The following MARCHF8 variants were observed in gnomAD, a reference collection of about 807,000 sequenced individuals.
MARCHF8 encodes the protein E3 ubiquitin-protein ligase MARCHF8.
MARCHF8 carries 40 observed loss-of-function variants against 51.6 expected under a neutral mutation model. That is an observed-to-expected ratio of 0.77 (90% CI 0.60 to 1.01). The LOEUF is 1.01. Ranked by LOEUF, MARCHF8 falls within the 50% of genes least tolerant of loss-of-function variation. The pLI is 0.00. For missense variants in MARCHF8, 685 were observed against 708.6 expected (o/e 0.97, Z 0.38); for synonymous variants, 263 against 280.3 (o/e 0.94, Z 0.62).
intron 2 of MARCHF8, among the ~76,000 whole-genome samples, chr10:45,514,535 G>A (rs2043587999): frequency 6.6e-6 from 1 of 152,214 alleles, no homozygotes; most frequent in Non-Finnish European, 1.5e-5. Flanking sequence ...TACCACTCCT[G>A]CCATCAAACT....
At chr10:45,549,622 T>A (rs976559255) in intron 1 of MARCHF8, among the ~76,000 whole-genome samples, 5 of 152,206 alleles carry the variant, frequency 3.3e-5, no homozygotes, top group Non-Finnish European at 7.3e-5. Flanking sequence ...CCCAAGTTCA[T>A]GTATTGGAAA....
At chr10:45,521,263 C>T (rs2043700700) in intron 2 of MARCHF8, among the ~76,000 whole-genome samples, 1 of 152,154 alleles carries the variant, frequency 6.6e-6, no homozygotes, top group East Asian at 1.9e-4. Flanking sequence ...AGATAAACTG[C>T]CTAGGCAGGT....
At chr10:45,542,711 C>T (rs914555946) in intron 1 of MARCHF8, among the ~76,000 whole-genome samples, 1 of 152,070 alleles carries the variant, frequency 6.6e-6, no homozygotes, top group Non-Finnish European at 1.5e-5. Flanking sequence ...ACACGTATTA[C>T]TTTTATTTTT....
intron 1 of MARCHF8, among the ~76,000 whole-genome samples, chr10:45,533,692 G>A (rs2133281269): frequency 6.6e-6 from 1 of 152,226 alleles, no homozygotes; most frequent in East Asian, 1.9e-4. Flanking sequence ...TCCACATAAT[G>A]GTGAGATCAG....
chr10:45,546,291 G>A (rs1366774022), intron 1 of MARCHF8, among the ~76,000 whole-genome samples: 1 of 151,912 alleles, frequency 6.6e-6, no homozygotes, highest in African/African-American at 2.4e-5. Context: ...CTCCCGAGTA[G>A]CTGGGATTAC....
intron 3 of MARCHF8, among the ~76,000 whole-genome samples, chr10:45,476,647 C>A (rs1358611326): frequency 5.3e-5 from 8 of 150,302 alleles, no homozygotes; most frequent in African/African-American, 1.7e-4. Flanking sequence ...AAACATTTTC[C>A]AAAAATACAT....
intron 1 of MARCHF8, among the ~76,000 whole-genome samples, chr10:45,559,980 C>T (rs1302161234): frequency 6.6e-6 from 1 of 152,138 alleles, no homozygotes; most frequent in African/African-American, 2.4e-5. Context: ...CAGAATCCTT[C>T]CTCCCCGCAA....
intron 2 of MARCHF8, among the ~76,000 whole-genome samples, chr10:45,512,774 G>C (rs2043550878): frequency 6.6e-6 from 1 of 152,170 alleles, no homozygotes; most frequent in African/African-American, 2.4e-5. Flanking sequence ...CGGTTTTGTG[G>C]AATAGAAAGG....
At chr10:45,575,053 C>T (rs1465668795) in intron 1 of MARCHF8, among the ~76,000 whole-genome samples, 2 of 152,016 alleles carry the variant, frequency 1.3e-5, no homozygotes, top group East Asian at 3.9e-4. Flanking sequence ...AGCCGCTTTA[C>T]TTCTGAAGGA....
At chr10:45,516,797 T>A (rs11239545) in intron 2 of MARCHF8, among the ~76,000 whole-genome samples, 35,549 of 151,506 alleles carry the variant, frequency 0.23, 4,402 homozygotes, top group Admixed American at 0.3. Context: ...CTAAGAGTGC[T>A]CAAAAAAATC....
chr10:45,490,054 C>T (rs1298387185), intron 2 of MARCHF8, among the ~76,000 whole-genome samples: 1 of 152,208 alleles, frequency 6.6e-6, no homozygotes, highest in Admixed American at 6.5e-5. Flanking sequence ...CTCTCAATCA[C>T]AACTCATTTT....
intron 6 of MARCHF8, among the ~76,000 whole-genome samples, chr10:45,459,499 C>T (rs374532644): frequency 6.6e-6 from 1 of 152,220 alleles, no homozygotes; most frequent in East Asian, 1.9e-4. Context: ...TGCAGAACTA[C>T]CATCAAAAAT....
intron 2 of MARCHF8, among the ~76,000 whole-genome samples, chr10:45,524,352 C>T (rs985993440): frequency 6.6e-6 from 1 of 152,140 alleles, no homozygotes; most frequent in Non-Finnish European, 1.5e-5. Flanking sequence ...TTTCAGAGAT[C>T]GCTGTGATTA....
chr10:45,526,484 G>T (rs565495796), intron 2 of MARCHF8, among the ~76,000 whole-genome samples: 2 of 152,234 alleles, frequency 1.3e-5, no homozygotes, highest in East Asian at 3.9e-4. Flanking sequence ...AACTCACATG[G>T]GAGTACACAG....
chr10:45,464,298 C>A lies in MARCHF8; in HGVS notation c.183G>T (p.Pro61=), dbSNP rs373466552. ...TGCGAGAGAAGGAGGACACCGGAGCCGGAGCTGATGCTGACGGAGGACTCC... is the reference window on the plus strand; with the variant it reads ...TGCGAGAGAAGGAGGACACCGGAGCAGGAGCTGATGCTGACGGAGGACTCC... ...KAGSPPSASA[P]APVSSFSRTS... The change falls in exon 4 of 8, where the codon CCG becomes CCT. Residue 61 remains proline, a synonymous_variant. Coordinates refer to ENST00000453424, the MANE Select transcript of MARCHF8 (RefSeq NM_001282866.2). The A allele has an allele frequency of 1.2e-6, 2 of 1,614,116 alleles. No individual in the cohort carries two copies. Among genetic ancestry groups the A allele is most frequent in the Non-Finnish European group, 8.5e-7 (1 of 1,180,028 alleles).
chr10:45,530,230 T>C (rs564537229), intron 2 of MARCHF8, among the ~76,000 whole-genome samples: 12 of 152,134 alleles, frequency 7.9e-5, no homozygotes, highest in Non-Finnish European at 1.5e-4. Flanking sequence ...CTGAAAAATA[T>C]GTACACAGGG....
intron 6 of MARCHF8, 117 bp downstream of exon 6, chr10:45,461,114 A>G: frequency 1.5e-6 from 1 of 680,502 alleles, no homozygotes; most frequent in Non-Finnish European, 2.2e-6. Context: ...TGTAAGCACC[A>G]GCCCCAGCTT....
intron 4 of MARCHF8, 107 bp downstream of exon 4, chr10:45,464,132 G>T: frequency 6.4e-7 from 1 of 1,552,816 alleles, no homozygotes; most frequent in South Asian, 1.1e-5. Flanking sequence ...CAACTGTTTA[G>T]ACCAAAGGCA....
chr10:45,544,919 T>A (rs2044101187), intron 1 of MARCHF8, among the ~76,000 whole-genome samples: 1 of 152,056 alleles, frequency 6.6e-6, no homozygotes, highest in Non-Finnish European at 1.5e-5. Context: ...GTACTACCCC[T>A]CTCTCTATAG....
Sources: gnomAD v4.1 joint callset for allele counts (sites outside exome capture counted in the v4.1 genomes callset) on GRCh38, gnomAD v4.1.1 for gene constraint, MANE v1.5 for transcripts, NCBI Gene and HGNC (gene_info 2026-07-23, HGNC 2026-07-21) for gene names.